IQSEC1: variants seen among roughly 807,000 people sequenced by gnomAD.
IQSEC1 encodes the protein IQ motif and Sec7 domain ArfGEF 1, also known as IQ motif and SEC7 domain-containing protein 1.
A neutral mutation model predicts 91.0 loss-of-function variants in IQSEC1; 31 were observed. The ratio of observed to expected loss-of-function variants is 0.34; its 90% CI spans 0.26 to 0.46. IQSEC1 has a LOEUF of 0.46. Among genes scored for constraint, IQSEC1 ranks in the 20% least tolerant of loss-of-function variants. The pLI is 1.00. For synonymous variants in IQSEC1, 699 were observed against 662.6 expected (o/e 1.05, Z -0.84); for missense variants, 1,388 against 1,575.6 (o/e 0.88, Z 2.02).
chr3:13,237,147 T>C (rs1694944737), intron 1 of IQSEC1, among the ~76,000 whole-genome samples: 1 of 152,226 alleles, frequency 6.6e-6, no homozygotes. Context: ...CATAGAGGTT[T>C]CTTTCAGAAA....
chr3:13,145,799 G>A lies in IQSEC1; in HGVS notation c.302+18305C>T, dbSNP rs1260005487. On this transcript the variant is annotated intron_variant, in intron 2 of 15. Transcript: ENST00000648114. ...GTTTGGGGAGTGAACCTGGGCGCCC[G>A]GGGGCGGGGGGGGGGGGTCCTGATC... 6.8e-4 allele frequency among the ~76,000 whole-genome samples: 62 copies of A among 91,456 alleles called. 2 individuals are homozygous for A. The highest frequency in any genetic ancestry group is 6.8e-5 in the Non-Finnish European group (3 of 44,192). 60.0% of individuals were successfully genotyped at this position (91,456 alleles called of 152,430 possible).
intron 1 of IQSEC1, among the ~76,000 whole-genome samples, chr3:13,032,681 TC>T (rs1388566851): frequency 6.6e-6 from 1 of 152,018 alleles, no homozygotes; most frequent in Non-Finnish European, 1.5e-5. Flanking sequence ...CCTCGCAGGT[TC>T]ACGCCATTCT....
At chr3:13,182,698 C>A (rs1329477781) in intron 1 of IQSEC1, among the ~76,000 whole-genome samples, 5 of 151,938 alleles carry the variant, frequency 3.3e-5, no homozygotes, top group Non-Finnish European at 7.4e-5. Context: ...CTAAATCTCC[C>A]CAGGTCAAAG....
chr3:13,056,034 A>T (rs959103166), intron 1 of IQSEC1, among the ~76,000 whole-genome samples: 1 of 151,608 alleles, frequency 6.6e-6, no homozygotes, highest in Non-Finnish European at 1.5e-5. Flanking sequence ...TCTTCTTAAG[A>T]CAGCAGCACG....
intron 1 of IQSEC1, among the ~76,000 whole-genome samples, chr3:13,241,879 C>T (rs946685911): frequency 1.3e-5 from 2 of 152,160 alleles, no homozygotes; most frequent in Admixed American, 6.5e-5. Context: ...ACAGACGGAA[C>T]GGGAAGATGA....
chr3:13,049,678 C>T (rs1704621938), intron 1 of IQSEC1, among the ~76,000 whole-genome samples: 1 of 152,152 alleles, frequency 6.6e-6, no homozygotes, highest in African/African-American at 2.4e-5. Flanking sequence ...CTCCTTTCTT[C>T]CTTCTTCCTT....
At chr3:13,087,287 G>C (rs1280095628) in intron 2 of IQSEC1, among the ~76,000 whole-genome samples, 1 of 152,204 alleles carries the variant, frequency 6.6e-6, no homozygotes, top group Admixed American at 6.5e-5. Context: ...ATGTTTTAAA[G>C]AGCTCCCAAA....
chr3:12,966,838 TG>T, intron 1 of IQSEC1, among the ~76,000 whole-genome samples: 1 of 152,226 alleles, frequency 6.6e-6, no homozygotes, highest in Middle Eastern at 3.4e-3. Flanking sequence ...CACACACACT[TG>T]GGGTCTTGCA....
At chr3:12,957,043 C>T (rs1576039266) in intron 1 of IQSEC1, among the ~76,000 whole-genome samples, 1 of 152,174 alleles carries the variant, frequency 6.6e-6, no homozygotes, top group Admixed American at 6.5e-5. Flanking sequence ...TTGTCCAGGT[C>T]AGAAAGAGGG....
In IQSEC1 at chr3:13,073,078, C is replaced by T. The variant is rs1705489687; in HGVS notation, c.-64G>A. ...CCAGCGGGGAGGCTCAACGTGTTTC[C>T]AAGAGGAGCAGGCGGCTCAGGCAAG... On this transcript the variant is annotated 5_prime_UTR_variant, in exon 1 of 14. Coordinates refer to ENST00000613206, the MANE Select transcript of IQSEC1 (RefSeq NM_001134382.3). The T allele has an allele frequency of 1.3e-6, 2 of 1,546,068 alleles. No individual in the cohort carries two copies. The highest frequency in any genetic ancestry group is 1.7e-4 in the Middle Eastern group (1 of 5,980).
chr3:13,049,084 A>G (rs1480906773), intron 1 of IQSEC1, among the ~76,000 whole-genome samples: 3 of 152,262 alleles, frequency 2.0e-5, no homozygotes, highest in East Asian at 3.9e-4. Flanking sequence ...AGGGAGAGCT[A>G]GCGGGGTGGC....
intron 2 of IQSEC1, among the ~76,000 whole-genome samples, chr3:13,121,800 G>A (rs986250390): frequency 1.3e-5 from 2 of 152,348 alleles, no homozygotes; most frequent in South Asian, 2.1e-4. Context: ...CCAGGATGGG[G>A]CAGTGGGCTG....
intron 1 of IQSEC1, among the ~76,000 whole-genome samples, chr3:13,183,178 C>T (rs112001935): frequency 0.088 from 7,721 of 87,804 alleles, 464 homozygotes; most frequent in African/African-American, 0.28. Context: ...AATAAATAAA[C>T]AAACAAACAA....
chr3:13,211,903 G>A lies in IQSEC1; in HGVS notation c.273-47770C>T, dbSNP rs1420153916. 6.6e-6 allele frequency among the ~76,000 whole-genome samples: 1 copy of A among 152,186 alleles called. No homozygotes were observed. Among genetic ancestry groups the A allele is most frequent in the African/African-American group, 2.4e-5 (1 of 41,428 alleles). On this transcript the variant is annotated intron_variant, in intron 1 of 15. Coordinates refer to the IQSEC1 transcript ENST00000648114. This position sits in a 1 kb window ranked among gnomAD's most constrained non-coding sequence, Gnocchi z 5.3. ...GGTTTCGTGTCCACAGAACCTTTCC[G>A]TGGCCAGAGGACCCGAAACCCCCAC...
rs920747407 is a variant in IQSEC1 at position 12,924,023 on chromosome 3, A to G, written c.1730+558T>C. Among the ~76,000 whole-genome samples the G allele has an allele frequency of 2.0e-5, 3 of 152,130 alleles. No homozygotes were observed. Among genetic ancestry groups the G allele is most frequent in the Non-Finnish European group, 4.4e-5 (3 of 68,014 alleles). On this transcript the variant is annotated intron_variant, in intron 4 of 13. Coordinates refer to ENST00000613206, the MANE Select transcript of IQSEC1 (RefSeq NM_001134382.3). The surrounding 1 kb of genome is among the most constrained non-coding windows in gnomAD (Gnocchi z 6.3). ...TGGGGGCAGGACGCACAGCCCCAAT[A>G]TCCCAGCCGGGAGAATGAGGCAGGG...
intron 1 of IQSEC1, among the ~76,000 whole-genome samples, chr3:13,179,211 C>T (rs115118767): frequency 0.033 from 4,965 of 152,240 alleles, 266 homozygotes; most frequent in African/African-American, 0.11. Flanking sequence ...GTGAGGTGAG[C>T]AGCAGGACCT....
intron 9 of IQSEC1, 66 bp downstream of exon 9, chr3:12,913,362 C>A: frequency 6.8e-7 from 1 of 1,476,418 alleles, no homozygotes; most frequent in Non-Finnish European, 9.2e-7. Flanking sequence ...ACGCAGACAG[C>A]CAGACATGGA....
intron 1 of IQSEC1, among the ~76,000 whole-genome samples, chr3:13,067,472 G>A (rs1705273995): frequency 6.6e-6 from 1 of 152,254 alleles, no homozygotes; most frequent in Non-Finnish European, 1.5e-5. Context: ...AAGCAGGCTG[G>A]GGGCAGCCAT....
At chr3:13,095,227 C>T (rs1392595111) in intron 2 of IQSEC1, among the ~76,000 whole-genome samples, 1 of 152,086 alleles carries the variant, frequency 6.6e-6, no homozygotes, top group Non-Finnish European at 1.5e-5. Flanking sequence ...TGGTCCCCGT[C>T]GTTCCTGAAG....
Sources: gnomAD v4.1 joint callset for allele counts (sites outside exome capture counted in the v4.1 genomes callset) on GRCh38, gnomAD v4.1.1 for gene constraint, Gnocchi (gnomAD v3.1) non-coding constraint, MANE v1.5 for transcripts, NCBI Gene and HGNC (gene_info 2026-07-23, HGNC 2026-07-21) for gene names.